The following CCDC171 variants were observed in gnomAD, a reference collection of about 807,000 sequenced individuals.
CCDC171 encodes coiled-coil domain containing 171, also known as coiled-coil domain-containing protein 171.
In CCDC171, 177 loss-of-function variants were observed where a neutral mutation model predicts 168.2. That is an observed-to-expected ratio of 1.05 (90% CI 0.93 to 1.19). The LOEUF is 1.19. Among genes scored for constraint, CCDC171 ranks in the 50% most tolerant of loss-of-function variants. The pLI, the probability that CCDC171 is intolerant of heterozygous loss-of-function variation, is 0.00. For missense variants in CCDC171, 1,991 were observed against 1,539.0 expected, an observed-to-expected ratio of 1.29 and a Z score of -4.91; for synonymous variants, 687 against 540.8, an observed-to-expected ratio of 1.27 and a Z score of -3.75.
intron 7 of CCDC171, among the ~76,000 whole-genome samples, chr9:15,632,143 T>A: frequency 6.6e-6 from 1 of 151,006 alleles, no homozygotes; most frequent in Non-Finnish European, 1.5e-5. Context: ...CCACTCCTAT[T>A]CAACATAGTG....
intron 25 of CCDC171, among the ~76,000 whole-genome samples, chr9:15,970,874 G>C (rs1831291025): frequency 6.6e-6 from 1 of 152,108 alleles, no homozygotes; most frequent in Non-Finnish European, 1.5e-5. Context: ...AGTGGGAGAG[G>C]GTTGAAGAAC....
chr9:15,590,905 A>C (rs1406192036), intron 4 of CCDC171, among the ~76,000 whole-genome samples: 2 of 140,758 alleles, frequency 1.4e-5, no homozygotes, highest in Admixed American at 7.6e-5. Flanking sequence ...ATCTGAGAGG[A>C]GGTCTCCCTA....
At chr9:15,653,326 G>A (rs1267940959) in intron 7 of CCDC171, among the ~76,000 whole-genome samples, 1 of 151,912 alleles carries the variant, frequency 6.6e-6, no homozygotes, top group East Asian at 1.9e-4. Flanking sequence ...TTTTTTTGTA[G>A]AATTGGTGCT....
chr9:15,598,943 T>G (rs2131602645), intron 6 of CCDC171, among the ~76,000 whole-genome samples: 1 of 152,260 alleles, frequency 6.6e-6, no homozygotes, highest in South Asian at 2.1e-4. Flanking sequence ...TGGCTTAAAG[T>G]CTGTTTTATC....
chr9:15,713,126 T>G (rs1205536074), intron 11 of CCDC171, among the ~76,000 whole-genome samples: 1 of 152,188 alleles, frequency 6.6e-6, no homozygotes, highest in African/African-American at 2.4e-5. Context: ...TGTATATTTG[T>G]ATATTTGGTC....
intron 6 of CCDC171, among the ~76,000 whole-genome samples, chr9:16,031,645 C>A (rs1833365602): frequency 6.6e-6 from 1 of 152,162 alleles, no homozygotes; most frequent in Non-Finnish European, 1.5e-5. Flanking sequence ...GGTGTGAATT[C>A]CTTATGGGCC....
At chr9:15,920,180 A>G (rs1825126240) in intron 24 of CCDC171, 90 bp from the exon 25 acceptor site, 1 of 762,792 alleles carries the variant, frequency 1.3e-6, no homozygotes, top group Non-Finnish European at 1.9e-6. Context: ...TTATTTTAAA[A>G]TTTTAATGGT....
chr9:15,825,744 A>G (rs1213371394), intron 21 of CCDC171, among the ~76,000 whole-genome samples: 12 of 152,130 alleles, frequency 7.9e-5, no homozygotes, highest in Non-Finnish European at 1.8e-4. Context: ...GATTGCAATA[A>G]TTCTAGAAGT....
intron 7 of CCDC171, among the ~76,000 whole-genome samples, chr9:15,632,764 T>C (rs1400710589): frequency 6.6e-6 from 1 of 152,146 alleles, no homozygotes; most frequent in Non-Finnish European, 1.5e-5. Flanking sequence ...CTACCTGACT[T>C]CAAACTATAC....
chr9:15,865,932 G>A (rs2061765507), intron 23 of CCDC171, among the ~76,000 whole-genome samples: 1 of 151,816 alleles, frequency 6.6e-6, no homozygotes, highest in Non-Finnish European at 1.5e-5. Flanking sequence ...AGAAAACTCA[G>A]GGATTGCCTG....
chr9:15,659,062 G>A (rs1393209235), intron 8 of CCDC171, among the ~76,000 whole-genome samples: 1 of 152,188 alleles, frequency 6.6e-6, no homozygotes, highest in Non-Finnish European at 1.5e-5. Flanking sequence ...GAAGTCTGAA[G>A]AGAGACAATG....
At chr9:15,902,225 T>C (rs2131644818) in intron 24 of CCDC171, among the ~76,000 whole-genome samples, 1 of 149,152 alleles carries the variant, frequency 6.7e-6, no homozygotes, top group East Asian at 2.0e-4. Context: ...TTTCTCAAAA[T>C]GATACAAAGC....
chr9:15,744,316 A>G lies in CCDC171; in HGVS notation c.2093A>G (p.His698Arg), dbSNP rs2055103446. 4 of 1,610,460 alleles carry G rather than the reference A, an allele frequency of 2.5e-6. No homozygotes were observed. Among genetic ancestry groups the G allele is most frequent in the Non-Finnish European group, 3.4e-6 (4 of 1,179,058 alleles). ...GAAAAAAACATGGAAAAATTGAACC[A>G]TATTGAGAAGTCACATGAACAGTTG... ...IAEKNMEKLN[H>R]IEKSHEQLVL... Residue 698 changes from histidine (H) to arginine (R), a missense_variant, in exon 17 of 26, where the codon CAT becomes CGT. Coordinates refer to ENST00000380701, the MANE Select transcript of CCDC171 (RefSeq NM_173550.4).
intron 18 of CCDC171, among the ~76,000 whole-genome samples, chr9:15,751,948 A>T (rs946106392): frequency 2.0e-5 from 3 of 152,224 alleles, no homozygotes; most frequent in Non-Finnish European, 4.4e-5. Flanking sequence ...ACAGCAGAAG[A>T]AACTATCATG....
chr9:15,758,675 C>A (rs2056274200), intron 18 of CCDC171, among the ~76,000 whole-genome samples: 1 of 152,066 alleles, frequency 6.6e-6, no homozygotes, highest in Admixed American at 6.5e-5. Context: ...GAATTGTACT[C>A]CCATATTTCC....
At chr9:15,717,829 G>C (rs1384864459) in intron 11 of CCDC171, among the ~76,000 whole-genome samples, 4 of 152,174 alleles carry the variant, frequency 2.6e-5, no homozygotes, top group Admixed American at 6.5e-5. Flanking sequence ...ATAATCAGCA[G>C]CAATACCCGT....
rs2059549846 is a variant in CCDC171, at chr9:15,815,997, T to C, written c.3268-30705T>C. 1.7e-5 allele frequency among the ~76,000 whole-genome samples: 2 copies of C among 117,724 alleles called. 1 individual carries two copies. Among genetic ancestry groups the C allele is most frequent in the Admixed American group, 1.6e-4 (2 of 12,472 alleles). The allele number at this position is 117,724 out of a possible 152,430, so 77.2% of individuals were successfully genotyped here. A position where few individuals can be genotyped will look rare whatever the true frequency, so the allele number is the denominator to read the frequency against. On this transcript the variant is annotated intron_variant, in intron 21 of 25. Coordinates refer to ENST00000380701, the MANE Select transcript of CCDC171 (RefSeq NM_173550.4). ...AAGATTCAAGATAGAAGGTAGAAGA[T>C]TCATAAAAAGTTGTCATTTTCATTT...
chr9:15,975,590 A>G (rs566969893), downstream of CCDC171, among the ~76,000 whole-genome samples: 6 of 152,172 alleles, frequency 3.9e-5, no homozygotes, highest in South Asian at 1.2e-3. Context: ...TGGCCAAAAG[A>G]CCACACAGAT....
intron 23 of CCDC171, among the ~76,000 whole-genome samples, chr9:15,864,667 A>C (rs984775316): frequency 6.6e-6 from 1 of 152,072 alleles, no homozygotes; most frequent in Non-Finnish European, 1.5e-5. Context: ...TATTAAAATA[A>C]TTTCAGGATA....
Sources: gnomAD v4.1 joint callset for allele counts (sites outside exome capture counted in the v4.1 genomes callset) on GRCh38, gnomAD v4.1.1 for gene constraint, MANE v1.5 for transcripts, NCBI Gene and HGNC (gene_info 2026-07-23, HGNC 2026-07-21) for gene names.